The following ADAMTSL3 variants were observed in gnomAD, a reference collection of about 807,000 sequenced individuals.
ADAMTSL3 encodes ADAMTS like 3.
Under a neutral mutation model 201.7 loss-of-function variants are expected in ADAMTSL3, and 128 were observed. The ratio of observed to expected loss-of-function variants is 0.63; its 90% CI spans 0.55 to 0.73. The LOEUF (loss-of-function observed/expected upper bound fraction) is 0.73, where lower values mean the gene tolerates loss of function less well. Ranked by LOEUF, ADAMTSL3 falls within the 30% of genes least tolerant of loss-of-function variation. The pLI is 0.00. For missense variants in ADAMTSL3, 1,990 were observed against 2,119.6 expected (o/e 0.94, Z 1.20); for synonymous variants, 738 against 748.4 (o/e 0.99, Z 0.23).
At chr15:83,795,083 A>G (rs1186343286) in intron 4 of ADAMTSL3, among the ~76,000 whole-genome samples, 1 of 151,970 alleles carries the variant, frequency 6.6e-6, no homozygotes, top group Non-Finnish European at 1.5e-5. Context: ...CGAACTCCTG[A>G]CCTCAAGTGA....
intron 2 of ADAMTSL3, among the ~76,000 whole-genome samples, chr15:83,678,055 CCT>C (rs1210325788): frequency 6.6e-6 from 1 of 151,950 alleles, no homozygotes; most frequent in African/African-American, 2.4e-5. Context: ...AGAAACCTTA[CCT>C]CTATTTAGGT....
intron 15 of ADAMTSL3, among the ~76,000 whole-genome samples, chr15:83,905,299 G>C (rs957882703): frequency 6.6e-6 from 1 of 152,214 alleles, no homozygotes; most frequent in African/African-American, 2.4e-5. Context: ...TGTTATTCGG[G>C]ATCAGGGATG....
At chr15:83,790,734 AT>A (rs1343211115) in intron 4 of ADAMTSL3, among the ~76,000 whole-genome samples, 2 of 152,190 alleles carry the variant, frequency 1.3e-5, no homozygotes, top group African/African-American at 4.8e-5. Context: ...TGCAGATGAC[AT>A]TTTTGTCTAC....
chr15:83,867,992 T>TAGA (rs1471399762), intron 8 of ADAMTSL3, among the ~76,000 whole-genome samples: 19 of 152,242 alleles, frequency 1.2e-4, no homozygotes, highest in African/African-American at 4.6e-4. Flanking sequence ...TTCTAATTTT[T>TAGA]ACTCTTTTTG....
intron 15 of ADAMTSL3, 120 bp downstream of exon 15, chr15:83,899,851 G>T: frequency 3.0e-6 from 4 of 1,313,106 alleles, no homozygotes; most frequent in Non-Finnish European, 4.1e-6. Context: ...TGGATTTACA[G>T]ACTCTAGAGA....
intron 23 of ADAMTSL3, among the ~76,000 whole-genome samples, chr15:83,995,004 G>A (rs1418915242): frequency 1.3e-5 from 2 of 152,236 alleles, no homozygotes; most frequent in Middle Eastern, 3.4e-3. Flanking sequence ...GAACTGTGAT[G>A]CAGGCCCACA....
intron 3 of ADAMTSL3, among the ~76,000 whole-genome samples, chr15:83,752,095 A>G (rs548695911): frequency 6.6e-6 from 1 of 152,358 alleles, no homozygotes; most frequent in East Asian, 1.9e-4. Context: ...AGTGTTATGA[A>G]AACAACAAAA....
intron 29 of ADAMTSL3, 44 bp downstream of exon 29, chr15:84,037,031 A>G: frequency 6.3e-7 from 1 of 1,583,258 alleles, no homozygotes; most frequent in Non-Finnish European, 8.7e-7. Flanking sequence ...AGAGGCCTTG[A>G]TGGCATCAGA....
At chr15:83,794,697 C>T (rs774274051) in intron 4 of ADAMTSL3, among the ~76,000 whole-genome samples, 14 of 152,152 alleles carry the variant, frequency 9.2e-5, no homozygotes, top group South Asian at 4.1e-4. Flanking sequence ...AGGCAACTTG[C>T]AGGATTCTTG....
chr15:83,962,333 AGT>A (rs1283693555), intron 19 of ADAMTSL3: 2 of 152,156 alleles, frequency 1.3e-5, no homozygotes, highest in Non-Finnish European at 2.9e-5. Context: ...AGGAAATGTA[AGT>A]GTGCTTATTT....
At chr15:84,034,376 G>A (rs868197782) in intron 28 of ADAMTSL3, among the ~76,000 whole-genome samples, 2 of 152,136 alleles carry the variant, frequency 1.3e-5, no homozygotes, top group South Asian at 2.1e-4. Context: ...AGTGGCGTGG[G>A]CAGAGGATCA....
chr15:83,906,838 A>C (rs1190077943), intron 15 of ADAMTSL3, among the ~76,000 whole-genome samples: 1 of 151,540 alleles, frequency 6.6e-6, no homozygotes, highest in Non-Finnish European at 1.5e-5. Context: ...CTTCCACTAT[A>C]TTTTCATTTG....
At chr15:83,793,835 A>G (rs1029935511) in intron 4 of ADAMTSL3, among the ~76,000 whole-genome samples, 8 of 152,170 alleles carry the variant, frequency 5.3e-5, no homozygotes, top group African/African-American at 9.7e-5. Context: ...AAGATTTACT[A>G]TATGGCTGCA....
Position 83,988,687 on chromosome 15 carries a change from A to G in ADAMTSL3, c.3717-4A>G, listed in dbSNP as rs747610986. 47 of 1,594,056 alleles carry G rather than the reference A, an allele frequency of 2.9e-5. 1 individual carries two copies. The South Asian group carries it at 5.0e-4, about 17-fold the overall frequency. ...AATGTGTCGTCTTTCTAACTGTTCT[A>G]CAGAATAATTTTGGATGGAACTGGG... is the stretch of plus-strand genomic sequence containing the variant. On this transcript the variant is annotated splice_polypyrimidine_tract_variant and splice_region_variant and intron_variant, in intron 21 of 29. Transcript: ENST00000286744.
chr15:84,036,527 G>T lies in ADAMTSL3; in HGVS notation c.4755-246G>T, dbSNP rs556832813. ...GGAAGTCAGTGGAAACACATGGTTT[G>T]CTTGCCATGCCCTCTTCATCAGAGC... is the stretch of plus-strand genomic sequence containing the variant. On this transcript the variant is annotated intron_variant, in intron 28 of 29. Coordinates refer to ENST00000286744, the MANE Select transcript of ADAMTSL3 (RefSeq NM_207517.3). 4.6e-5 allele frequency among the ~76,000 whole-genome samples: 7 copies of T among 152,300 alleles called. 1 individual carries two copies. The highest frequency in any genetic ancestry group is 3.9e-4 in the East Asian group (2 of 5,180).
chr15:83,828,448 A>G lies in ADAMTSL3; in HGVS notation c.600+8401A>G, dbSNP rs567010367. 7.2e-5 allele frequency among the ~76,000 whole-genome samples: 11 copies of G among 152,260 alleles called. No homozygotes were observed. The South Asian group carries it at 2.1e-3, about 29-fold the overall frequency. ...TGGGCTGAGACGATGGGGTTTTCTA[A>G]ATATACAATCATGTCATCTGCAGAC... On this transcript the variant is annotated intron_variant, in intron 6 of 29. Coordinates refer to ENST00000286744, the MANE Select transcript of ADAMTSL3 (RefSeq NM_207517.3).
intron 3 of ADAMTSL3, among the ~76,000 whole-genome samples, chr15:83,747,962 C>T (rs1291396982): frequency 6.6e-6 from 1 of 151,698 alleles, no homozygotes; most frequent in African/African-American, 2.4e-5. Context: ...CAAGTGTCTG[C>T]TTGGCGTCTC....
Position 83,844,124 on chromosome 15 carries a change from C to T in ADAMTSL3, c.727+5909C>T, listed in dbSNP as rs187442218. Among the ~76,000 whole-genome samples, 447 of 152,266 alleles carry T rather than the reference C, an allele frequency of 2.9e-3. 3 individuals carry two copies. The highest frequency in any genetic ancestry group is 0.01 in the African/African-American group (422 of 41,548). On this transcript the variant is annotated intron_variant, in intron 7 of 29. Coordinates refer to ENST00000286744, the MANE Select transcript of ADAMTSL3 (RefSeq NM_207517.3). ...CGTGTGTGAGGCAAATAAACAAGATCGGCTTGTCTATTCTAAGCTTTTTGT... is the reference window on the plus strand; with the variant it reads ...CGTGTGTGAGGCAAATAAACAAGATTGGCTTGTCTATTCTAAGCTTTTTGT...
intron 17 of ADAMTSL3, among the ~76,000 whole-genome samples, chr15:83,931,671 T>C (rs1033843690): frequency 6.6e-6 from 1 of 152,270 alleles, no homozygotes; most frequent in Admixed American, 6.5e-5. Flanking sequence ...TACAGATCAA[T>C]GGTAGATGCA....
Sources: allele counts gnomAD v4.1 joint callset (sites outside exome capture counted in the v4.1 genomes callset), GRCh38; gene constraint gnomAD v4.1.1; transcripts MANE v1.5; gene names NCBI Gene and HGNC (gene_info 2026-07-23, HGNC 2026-07-21).